The following GABRA3 variants were observed in gnomAD, a reference collection of about 807,000 sequenced individuals.
GABRA3 encodes gamma-aminobutyric acid receptor subunit alpha-3.
A neutral mutation model predicts 30.1 loss-of-function variants in GABRA3; 10 were observed. That is an observed-to-expected ratio of 0.33 (90% CI 0.20 to 0.56). The LOEUF (loss-of-function observed/expected upper bound fraction) is 0.56, where lower values mean the gene tolerates loss of function less well. Among genes scored for constraint, GABRA3 ranks in the 20% least tolerant of loss-of-function variants. The pLI, the probability that GABRA3 is intolerant of heterozygous loss-of-function variation, is 0.89. For synonymous variants in GABRA3, 151 were observed against 146.8 expected (o/e 1.03, Z -0.21); for missense variants, 233 against 392.0 (o/e 0.59, Z 3.42).
intron 5 of GABRA3, among the ~76,000 whole-genome samples, chrX:152,248,607 T>G (rs370735169): frequency 8.9e-6 from 1 of 112,309 alleles, no homozygotes; most frequent in Non-Finnish European, 1.9e-5. Context: ...TTCTATCATG[T>G]TTGAACTGTT....
At chrX:152,447,350 A>C (rs771899690) in intron 1 of GABRA3, among the ~76,000 whole-genome samples, 1 of 111,616 alleles carries the variant, frequency 9.0e-6, no homozygotes. Context: ...TTCAAAATAA[A>C]ATTGAGATAC....
At chrX:152,225,150 A>G (rs1184937956) in intron 5 of GABRA3, among the ~76,000 whole-genome samples, 2 of 109,915 alleles carry the variant, frequency 1.8e-5, no homozygotes, top group Non-Finnish European at 3.8e-5. Context: ...AGAAGCCTGG[A>G]AACACCAGGT....
chrX:152,226,300 A>G (rs1298114314), intron 5 of GABRA3, among the ~76,000 whole-genome samples: 1 of 111,934 alleles, frequency 8.9e-6, no homozygotes, highest in African/African-American at 3.2e-5. Flanking sequence ...TGTGTCTATG[A>G]AGGCATAGAA....
chrX:152,176,777 G>A (rs1937080629), intron 9 of GABRA3, among the ~76,000 whole-genome samples: 1 of 111,627 alleles, frequency 9.0e-6, no homozygotes, highest in South Asian at 3.8e-4. Context: ...GTTTGGGATA[G>A]AGATACATAT....
chrX:152,447,536 TTAAGCCTCC>T (rs759798641), intron 1 of GABRA3, among the ~76,000 whole-genome samples: 10 of 112,015 alleles, frequency 8.9e-5, no homozygotes, highest in Non-Finnish European at 1.9e-4. Context: ...AAAACATCTG[TTAAGCCTCC>T]TACTCTATGT....
Position 152,429,672 on chromosome X carries a change from A to G in GABRA3, c.-27+21474T>C, listed in dbSNP as rs1930606532. On this transcript the variant is annotated intron_variant, in intron 1 of 9. Coordinates refer to ENST00000370314, the MANE Select transcript of GABRA3 (RefSeq NM_000808.4). ...TCATCTAATTTTCCTATTTCCATTT[A>G]AAGTTCAAACATCAATCTGGCAACC... Among the ~76,000 whole-genome samples the G allele has an allele frequency of 2.7e-5, 3 of 111,756 alleles. No homozygotes were observed. The South Asian group carries it at 1.1e-3, about 42-fold the overall frequency.
At chrX:152,272,753 T>C (rs1368544543) in intron 4 of GABRA3, among the ~76,000 whole-genome samples, 2 of 111,047 alleles carry the variant, frequency 1.8e-5, no homozygotes, top group Non-Finnish European at 3.8e-5. Context: ...TGGGAGGAAA[T>C]TGAATCAGGG....
intron 3 of GABRA3, among the ~76,000 whole-genome samples, chrX:152,286,858 G>A (rs957019317): frequency 1.8e-5 from 2 of 111,878 alleles, no homozygotes; most frequent in Non-Finnish European, 3.8e-5. Context: ...CAAATAACAT[G>A]TCTCTGAAAC....
At chrX:152,372,648 G>A (rs1307948567) in intron 1 of GABRA3, among the ~76,000 whole-genome samples, 4 of 111,556 alleles carry the variant, frequency 3.6e-5, no homozygotes, top group African/African-American at 1.3e-4. Context: ...ATGAGTTCAT[G>A]CTCACACAAC....
chrX:152,189,636 C>T (rs1425087608), intron 9 of GABRA3, 94 bp downstream of exon 9: 2 of 617,266 alleles, frequency 3.2e-6, no homozygotes, highest in Non-Finnish European at 5.2e-6. Context: ...GCACATAGCC[C>T]TGCCCAGTTC....
At chrX:152,381,303 G>C (rs1004463453) in intron 1 of GABRA3, among the ~76,000 whole-genome samples, 2 of 112,046 alleles carry the variant, frequency 1.8e-5, no homozygotes, top group Non-Finnish European at 3.8e-5. Context: ...TCCCTGAAGA[G>C]TAGTGATGCT....
At chrX:152,175,719 A>T (rs1031465255) in intron 9 of GABRA3, among the ~76,000 whole-genome samples, 8 of 111,375 alleles carry the variant, frequency 7.2e-5, no homozygotes, top group Non-Finnish European at 1.5e-4. Context: ...TCCATAGAGA[A>T]AGAATGGTAA....
chrX:152,319,893 T>A (rs1453649535), intron 3 of GABRA3, among the ~76,000 whole-genome samples: 2 of 109,841 alleles, frequency 1.8e-5, no homozygotes, highest in Non-Finnish European at 3.8e-5. Context: ...AAACAAACAA[T>A]TGCATCAAAA....
intron 3 of GABRA3, among the ~76,000 whole-genome samples, chrX:152,320,359 C>T (rs1037056283): frequency 1.8e-5 from 2 of 111,429 alleles, no homozygotes; most frequent in Middle Eastern, 4.7e-3. Flanking sequence ...AAGAAATTGT[C>T]GTATATACAT....
chrX:152,438,253 T>C (rs1236752263), intron 1 of GABRA3, among the ~76,000 whole-genome samples: 1 of 111,589 alleles, frequency 9.0e-6, no homozygotes, highest in Non-Finnish European at 1.9e-5. Context: ...ACAGCAACAA[T>C]GAAGTATCAC....
At chrX:152,407,724 T>C (rs1178648944) in intron 1 of GABRA3, among the ~76,000 whole-genome samples, 1 of 111,832 alleles carries the variant, frequency 8.9e-6, no homozygotes, top group Non-Finnish European at 1.9e-5. Context: ...ACTCATTCTA[T>C]GAGGCCAGTA....
chrX:152,181,789 T>G (rs990757909), intron 9 of GABRA3, among the ~76,000 whole-genome samples: 2 of 107,618 alleles, frequency 1.9e-5, no homozygotes, highest in Admixed American at 2.0e-4. Context: ...ACCTGCACAT[T>G]GTGCACATGT....
chrX:152,225,252 C>A (rs1050425521), intron 5 of GABRA3, among the ~76,000 whole-genome samples: 1 of 110,491 alleles, frequency 9.1e-6, no homozygotes, highest in Non-Finnish European at 1.9e-5. Context: ...TTAAAGATTG[C>A]ACTGAAGAGA....
intron 3 of GABRA3, among the ~76,000 whole-genome samples, chrX:152,331,432 G>T (rs1169938114): frequency 9.0e-6 from 1 of 111,389 alleles, no homozygotes; most frequent in Admixed American, 9.6e-5. Flanking sequence ...TCACTAACCA[G>T]CTCATGGACA....
Sources: allele counts gnomAD v4.1 joint callset (sites outside exome capture counted in the v4.1 genomes callset), GRCh38; gene constraint gnomAD v4.1.1; transcripts MANE v1.5; gene names NCBI Gene and HGNC (gene_info 2026-07-23, HGNC 2026-07-21).